HIVEP3: variants seen among roughly 807,000 people sequenced by gnomAD.
HIVEP3 encodes the protein HIVEP zinc finger 3.
In HIVEP3, 49 loss-of-function variants were observed where a neutral mutation model predicts 152.8. The ratio of observed to expected loss-of-function variants is 0.32; its 90% CI spans 0.26 to 0.41. The LOEUF (loss-of-function observed/expected upper bound fraction) is 0.41. Among genes scored for constraint, HIVEP3 ranks in the 10% least tolerant of loss-of-function variants. The pLI is 1.00. For missense variants in HIVEP3, 2,790 were observed against 3,103.3 expected, an observed-to-expected ratio of 0.90 and a Z score of 2.40; for synonymous variants, 1,269 against 1,289.0, an observed-to-expected ratio of 0.98 and a Z score of 0.33.
rs1646259704 is a variant in HIVEP3 at position 41,695,519 on chromosome 1, C to G, written c.-721+5397G>C. Among the ~76,000 whole-genome samples, 5 of 152,302 alleles carry G rather than the reference C, an allele frequency of 3.3e-5. No homozygotes were observed. In the South Asian group the frequency reaches 1.0e-3, roughly 32 times the overall value. On this transcript the variant is annotated intron_variant, in intron 2 of 8. Coordinates refer to ENST00000372583, the MANE Select transcript of HIVEP3 (RefSeq NM_024503.5). ...ATGGGGATGAGCAGCCTACAAGCCT[C>G]CTGCTTCATGCAGCTCCATTCCAAT... is the stretch of plus-strand genomic sequence containing the variant.
At chr1:41,534,253 C>T (rs1338428213) in intron 5 of HIVEP3, among the ~76,000 whole-genome samples, 5 of 152,122 alleles carry the variant, frequency 3.3e-5, no homozygotes, top group Non-Finnish European at 5.9e-5. Flanking sequence ...ACCATCGGAG[C>T]GAAGCCCTGC....
At chr1:41,855,898 T>C (rs1324114796) in intron 1 of HIVEP3, among the ~76,000 whole-genome samples, 1 of 152,176 alleles carries the variant, frequency 6.6e-6, no homozygotes, top group Non-Finnish European at 1.5e-5. Context: ...GAATGATTGA[T>C]TGATTGAGAC....
At chr1:41,616,853 A>G (rs556571539) in intron 3 of HIVEP3, among the ~76,000 whole-genome samples, 1 of 152,290 alleles carries the variant, frequency 6.6e-6, no homozygotes, top group South Asian at 2.1e-4. Context: ...ATAGGTTGTG[A>G]GCAGTTATCC....
At chr1:41,699,917 G>A (rs1185090034) in intron 2 of HIVEP3, among the ~76,000 whole-genome samples, 1 of 151,980 alleles carries the variant, frequency 6.6e-6, no homozygotes, top group Non-Finnish European at 1.5e-5. Flanking sequence ...CCAGAGTCCT[G>A]CCGCTCTCTT....
chr1:41,574,647 C>T (rs1174795872), intron 5 of HIVEP3, among the ~76,000 whole-genome samples: 1 of 152,212 alleles, frequency 6.6e-6, no homozygotes, highest in African/African-American at 2.4e-5. Context: ...CCCCCAGTGA[C>T]AGCCATGTTG....
chr1:41,683,706 G>A (rs1352292734), intron 2 of HIVEP3, among the ~76,000 whole-genome samples: 2 of 152,132 alleles, frequency 1.3e-5, no homozygotes, highest in Non-Finnish European at 2.9e-5. Flanking sequence ...GCATCTTCTT[G>A]GACTCTCACT....
rs190658923 is a variant in HIVEP3 at position 41,679,342 on chromosome 1, C to G, written c.-721+21574G>C. Among the ~76,000 whole-genome samples, 784 of 152,348 alleles carry G rather than the reference C, an allele frequency of 5.1e-3. 3 individuals carry two copies. Among genetic ancestry groups the G allele is most frequent in the Non-Finnish European group, 6.5e-3 (444 of 68,034 alleles). On this transcript the variant is annotated intron_variant, in intron 2 of 8. Transcript: ENST00000372583. ...GGTCACAGAGCAAGCAAGGCAGAGC[C>G]TTGATTTGGGCCCATTTGTCAGAAT... is the stretch of plus-strand genomic sequence containing the variant.
chr1:41,754,261 G>A (rs952515855), intron 1 of HIVEP3, among the ~76,000 whole-genome samples: 4 of 152,082 alleles, frequency 2.6e-5, no homozygotes, highest in Non-Finnish European at 5.9e-5. Flanking sequence ...GGAGGATTTT[G>A]AGCAGAGGAG....
At chr1:41,894,313 G>C (rs1385961530) in intron 1 of HIVEP3, among the ~76,000 whole-genome samples, 1 of 152,188 alleles carries the variant, frequency 6.6e-6, no homozygotes, top group Non-Finnish European at 1.5e-5. Flanking sequence ...GACCCAGCTA[G>C]TAAGAGGAGG....
intron 1 of HIVEP3, among the ~76,000 whole-genome samples, chr1:41,734,652 C>T (rs1646889925): frequency 6.6e-6 from 1 of 152,200 alleles, no homozygotes; most frequent in Admixed American, 6.5e-5. Flanking sequence ...GAGGTGACTG[C>T]AGCTCTGTAA....
At chr1:41,672,500 C>T (rs1234080927) in intron 2 of HIVEP3, among the ~76,000 whole-genome samples, 2 of 152,214 alleles carry the variant, frequency 1.3e-5, no homozygotes, top group African/African-American at 2.4e-5. Context: ...TGTTTGTGGG[C>T]GGCAAGCCCT....
chr1:41,851,393 C>T (rs1320422069), intron 1 of HIVEP3, among the ~76,000 whole-genome samples: 1 of 138,484 alleles, frequency 7.2e-6, no homozygotes, highest in African/African-American at 2.8e-5. Context: ...ACATCTGCCT[C>T]CTGGATTCAA....
intron 1 of HIVEP3, among the ~76,000 whole-genome samples, chr1:41,732,570 G>A (rs1646858034): frequency 6.6e-6 from 1 of 152,026 alleles, no homozygotes; most frequent in Non-Finnish European, 1.5e-5. Flanking sequence ...GGGTGACAAA[G>A]GCCCTGCCTG....
intron 1 of HIVEP3, among the ~76,000 whole-genome samples, chr1:41,789,513 G>T (rs1476634218): frequency 6.6e-6 from 1 of 152,180 alleles, no homozygotes; most frequent in Non-Finnish European, 1.5e-5. Flanking sequence ...ATTTTAATAT[G>T]ACCTACAGAA....
intron 2 of HIVEP3, among the ~76,000 whole-genome samples, chr1:41,636,776 T>C (rs1051722739): frequency 1.3e-5 from 2 of 152,166 alleles, no homozygotes; most frequent in South Asian, 2.1e-4. Flanking sequence ...CTGTCCAACA[T>C]GGTGAAACCC....
chr1:41,510,880 T>C lies in HIVEP3; in HGVS notation c.6792A>G (p.Thr2264=), dbSNP rs774037002. ...VSPVAKVSKF[T]LSSELEGGDY... ...CCCCGCCCTCCAGCTCTGAGGAGAG[T>C]GTGAATTTGGAGACCTTAGCCACAG... The change falls in exon 9 of 9, where the codon ACA becomes ACG. Residue 2264 remains threonine, a synonymous_variant. Transcript: ENST00000372583. 6.8e-6 allele frequency: 11 copies of C among 1,612,666 alleles called. No individual in the cohort carries two copies. Among genetic ancestry groups the C allele is most frequent in the African/African-American group, 1.3e-5 (1 of 74,750 alleles).
In HIVEP3 at chr1:41,939,109, CT is replaced by C. The variant is rs1645033715; in HGVS notation, n.120-20586del. The stretch of plus-strand genomic sequence containing the variant: ...GATAGATGATAGCCTCTAATTATTT[CT>C]CTGGAGATAAGGCCTCTCTTTAAAT... On this transcript the variant is annotated intron_variant and non_coding_transcript_variant, in intron 1 of 3. Coordinates refer to the HIVEP3 transcript ENST00000489103. Among the ~76,000 whole-genome samples the C allele has an allele frequency of 2.6e-5, 4 of 152,298 alleles. No individual in the cohort carries two copies. The South Asian group carries it at 8.3e-4, about 32-fold the overall frequency.
At chr1:41,661,359 C>A (rs920475630) in intron 2 of HIVEP3, among the ~76,000 whole-genome samples, 6 of 152,238 alleles carry the variant, frequency 3.9e-5, no homozygotes, top group African/African-American at 1.4e-4. Flanking sequence ...GCCACCACCA[C>A]TTCTGTCTGA....
At chr1:41,731,312 C>A (rs1156569137) in intron 1 of HIVEP3, among the ~76,000 whole-genome samples, 1 of 152,138 alleles carries the variant, frequency 6.6e-6, no homozygotes. Flanking sequence ...CAGTGGCAGA[C>A]CCCCTGAATC....
Sources: gnomAD v4.1 joint callset for allele counts (sites outside exome capture counted in the v4.1 genomes callset) on GRCh38, gnomAD v4.1.1 for gene constraint, MANE v1.5 for transcripts, NCBI Gene and HGNC (gene_info 2026-07-23, HGNC 2026-07-21) for gene names.